FMN2: variants seen among roughly 807,000 people sequenced by gnomAD.
The protein encoded by FMN2 is formin-2.
FMN2 carries 51 observed loss-of-function variants against 142.3 expected under a neutral mutation model. That is an observed-to-expected ratio of 0.36 (90% CI 0.29 to 0.45). The LOEUF is 0.45. Among genes scored for constraint, FMN2 ranks in the 20% least tolerant of loss-of-function variants. The probability of loss-of-function intolerance (pLI) is 1.00; values close to 1 mark genes in which losing one functional copy is unlikely to be tolerated. For missense variants in FMN2, 1,936 were observed against 2,122.8 expected, an observed-to-expected ratio of 0.91 and a Z score of 1.73; for synonymous variants, 882 against 869.8, an observed-to-expected ratio of 1.01 and a Z score of -0.25.
chr1:240,286,820 G>A lies in FMN2; in HGVS notation c.4154-8002G>A, dbSNP rs988080691. On this transcript the variant is annotated intron_variant, in intron 7 of 17. Transcript: ENST00000319653. ...GATTTAGACCATCTATTTAGTAGTC[G>A]TTCACTTTCAAACTCTGTCACTTTG... Among the ~76,000 whole-genome samples the A allele has an allele frequency of 3.9e-5, 6 of 152,132 alleles. No individual in the cohort carries two copies. The East Asian group carries it at 5.8e-4, about 15-fold the overall frequency.
intron 14 of FMN2, among the ~76,000 whole-genome samples, chr1:240,385,723 T>C (rs893163406): frequency 3.9e-5 from 6 of 152,148 alleles, no homozygotes; most frequent in Admixed American, 3.9e-4. Flanking sequence ...TCAGGCTGGG[T>C]GATAATAGCA....
intron 2 of FMN2, among the ~76,000 whole-genome samples, chr1:240,159,974 T>TATATATATAC (rs1202421069): frequency 7.5e-6 from 1 of 134,084 alleles, no homozygotes; most frequent in African/African-American, 2.8e-5. Flanking sequence ...TATATATATA[T>TATATATATAC]ACACACACAC....
At chr1:240,316,273 A>T (rs186978377) in intron 8 of FMN2, among the ~76,000 whole-genome samples, 206 of 152,314 alleles carry the variant, frequency 1.4e-3, no homozygotes, top group African/African-American at 4.7e-3. Context: ...AGGTAGAAGG[A>T]TGTTCATAGA....
At chr1:240,287,567 C>T (rs1462870116) in intron 7 of FMN2, among the ~76,000 whole-genome samples, 1 of 152,054 alleles carries the variant, frequency 6.6e-6, no homozygotes, top group Non-Finnish European at 1.5e-5. Flanking sequence ...GTTTAGTCTT[C>T]TATGTTACTA....
intron 2 of FMN2, chr1:240,143,085 T>A: frequency 6.6e-7 from 1 of 1,521,390 alleles, no homozygotes; most frequent in Non-Finnish European, 9.1e-7. Context: ...CTTCCCTAAA[T>A]GTGTCAGGCC....
chr1:240,202,258 G>A (rs1041379072), intron 4 of FMN2, among the ~76,000 whole-genome samples: 1 of 152,078 alleles, frequency 6.6e-6, no homozygotes, highest in South Asian at 2.1e-4. Flanking sequence ...TCTTTTTCTG[G>A]TACTGGGTAT....
chr1:240,417,554 C>T (rs1674617412), intron 15 of FMN2, among the ~76,000 whole-genome samples: 1 of 151,966 alleles, frequency 6.6e-6, no homozygotes, highest in African/African-American at 2.4e-5. Flanking sequence ...CATCTGTTTG[C>T]CCAGTGCCAG....
chr1:240,184,251 T>TG (rs1465380613), intron 3 of FMN2, among the ~76,000 whole-genome samples: 1 of 140,652 alleles, frequency 7.1e-6, no homozygotes, highest in Non-Finnish European at 1.5e-5. Flanking sequence ...TTTTTTTTTT[T>TG]TTTTTTTTTG....
intron 14 of FMN2, among the ~76,000 whole-genome samples, chr1:240,361,139 G>GTGTA (rs1672456766): frequency 3.1e-4 from 3 of 9,544 alleles, no homozygotes; most frequent in East Asian, 7.6e-3. Context: ...ATAAATATAT[G>GTGTA]TGTATATATA....
intron 15 of FMN2, among the ~76,000 whole-genome samples, chr1:240,420,063 C>A (rs981433688): frequency 5.3e-5 from 8 of 152,080 alleles, no homozygotes; most frequent in African/African-American, 1.9e-4. Flanking sequence ...ACCACTTGGA[C>A]CCTATTATTT....
At chr1:240,414,324 A>G (rs572149460) in intron 15 of FMN2, among the ~76,000 whole-genome samples, 7 of 152,234 alleles carry the variant, frequency 4.6e-5, no homozygotes, top group Admixed American at 3.3e-4. Flanking sequence ...CTTAGTACCC[A>G]TTTTGCAGGT....
intron 1 of FMN2, among the ~76,000 whole-genome samples, chr1:240,106,841 G>A (rs887660192): frequency 5.3e-5 from 8 of 151,334 alleles, no homozygotes; most frequent in South Asian, 2.1e-4. Context: ...CCACCACCAC[G>A]CCCAGCTAAT....
At chr1:240,170,468 T>G (rs1664657120) in intron 2 of FMN2, 1 of 1,402,420 alleles carries the variant, frequency 7.1e-7, no homozygotes, top group Non-Finnish European at 1.0e-6. Flanking sequence ...GTGTGGAGAA[T>G]GCAAATTTTG....
chr1:240,143,507 CCTTCT>C, intron 2 of FMN2: 1 of 1,576,884 alleles, frequency 6.3e-7, no homozygotes, highest in Non-Finnish European at 8.7e-7. Context: ...TTGTCTTCCT[CCTTCT>C]CTTTGGAGTC....
intron 13 of FMN2, 128 bp from the exon 14 acceptor site, chr1:240,355,688 T>C: frequency 1.9e-6 from 1 of 525,788 alleles, no homozygotes; most frequent in Non-Finnish European, 3.4e-6. Flanking sequence ...GTTTCCAAAA[T>C]GTGTGCAGAA....
chr1:240,359,276 T>C (rs1350495381), intron 14 of FMN2, among the ~76,000 whole-genome samples: 1 of 152,224 alleles, frequency 6.6e-6, no homozygotes, highest in Non-Finnish European at 1.5e-5. Flanking sequence ...TCTTTGCTTA[T>C]AATTAGGCTT....
chr1:240,176,420 A>T (rs1298101139), intron 2 of FMN2, among the ~76,000 whole-genome samples: 1 of 152,214 alleles, frequency 6.6e-6, no homozygotes, highest in African/African-American at 2.4e-5. Flanking sequence ...GGTCCATGTG[A>T]TACAAACACC....
intron 6 of FMN2, among the ~76,000 whole-genome samples, chr1:240,244,967 G>A (rs1668030815): frequency 6.6e-6 from 1 of 152,186 alleles, no homozygotes; most frequent in East Asian, 1.9e-4. Flanking sequence ...GAGTACTACA[G>A]TAAGCAATAT....
intron 8 of FMN2, among the ~76,000 whole-genome samples, chr1:240,324,178 C>T (rs886870220): frequency 6.6e-6 from 1 of 152,120 alleles, no homozygotes; most frequent in African/African-American, 2.4e-5. Flanking sequence ...CTTTACATTC[C>T]TAACACTTTA....
Sources: gnomAD v4.1 joint callset for allele counts (sites outside exome capture counted in the v4.1 genomes callset) on GRCh38, gnomAD v4.1.1 for gene constraint, MANE v1.5 for transcripts, NCBI Gene and HGNC (gene_info 2026-07-23, HGNC 2026-07-21) for gene names.